The following GRAMD1B variants were observed in gnomAD, a reference collection of about 807,000 sequenced individuals.
GRAMD1B encodes the protein protein Aster-B.
Under a neutral mutation model 99.7 loss-of-function variants are expected in GRAMD1B, and 37 were observed. The ratio of observed to expected loss-of-function variants is 0.37; its 90% confidence interval spans 0.29 to 0.49. The LOEUF (loss-of-function observed/expected upper bound fraction) is 0.49. GRAMD1B is among the 20% of genes least tolerant of loss of function. The pLI, the probability that GRAMD1B is intolerant of heterozygous loss-of-function variation, is 0.98. For synonymous variants in GRAMD1B, 427 were observed against 387.6 expected, an observed-to-expected ratio of 1.10 and a Z score of -1.19; for missense variants, 888 against 1,009.2, an observed-to-expected ratio of 0.88 and a Z score of 1.63.
At chr11:123,554,768 T>C (rs1293792497) in intron 2 of GRAMD1B, among the ~76,000 whole-genome samples, 1 of 152,154 alleles carries the variant, frequency 6.6e-6, no homozygotes, top group Non-Finnish European at 1.5e-5. Context: ...CTCTGAAGAA[T>C]GGAGGTATAA....
At chr11:123,460,642 G>GT (rs1360443015) in intron 1 of GRAMD1B, among the ~76,000 whole-genome samples, 8 of 152,220 alleles carry the variant, frequency 5.3e-5, no homozygotes, top group East Asian at 1.9e-4. Flanking sequence ...CCATAAGCCA[G>GT]TTTTTCCCGG....
intron 2 of GRAMD1B, among the ~76,000 whole-genome samples, chr11:123,527,874 G>A (rs989355402): frequency 1.3e-5 from 2 of 152,150 alleles, no homozygotes; most frequent in African/African-American, 2.4e-5. Context: ...TGGTCCTCAG[G>A]GATGTGCAGA....
At chr11:123,603,379 G>A (rs775338422) in intron 8 of GRAMD1B, 47 bp from the exon 9 acceptor site, 1 of 1,171,316 alleles carries the variant, frequency 8.5e-7, no homozygotes, top group Non-Finnish European at 1.3e-6. Context: ...TGCAGAGTCG[G>A]GGGACCTGAG....
In GRAMD1B at chr11:123,513,515, T is replaced by TTTCTTTCC. The variant is rs1416992242; in HGVS notation, c.452+32625_452+32626insTTTCCTTC. 1.0e-4 allele frequency among the ~76,000 whole-genome samples: 15 copies of TTTCTTTCC among 144,954 alleles called. No individual in the cohort carries two copies. The East Asian group carries it at 1.2e-3, about 11-fold the overall frequency. Reference sequence around the variant, plus strand: ...TTCTTTCTCCCTCTCTCTTTCTTTCTTTCCTTCCTTCCTTCCTTCCTTCCT... The same window carrying TTTCTTTCC: ...TTCTTTCTCCCTCTCTCTTTCTTTCTTTCTTTCCTTCCTTCCTTCCTTCCTTCCTTCCT... On this transcript the variant is annotated intron_variant, in intron 2 of 19. Coordinates refer to ENST00000635736, the MANE Select transcript of GRAMD1B (RefSeq NM_001387025.1).
At chr11:123,609,654 G>C (rs1219662187) in intron 12 of GRAMD1B, 141 bp from the exon 13 acceptor site, 2 of 559,474 alleles carry the variant, frequency 3.6e-6, no homozygotes, top group Non-Finnish European at 6.5e-6. Flanking sequence ...CCCTCCCCCC[G>C]GCCCTCGGGC....
chr11:123,386,220 A>T (rs2135818555), intron 1 of GRAMD1B, among the ~76,000 whole-genome samples: 1 of 152,238 alleles, frequency 6.6e-6, no homozygotes, highest in East Asian at 1.9e-4. Context: ...TTTCTCTTCC[A>T]TATCTGCCTT....
chr11:123,443,887 C>T (rs1214468841), intron 1 of GRAMD1B, among the ~76,000 whole-genome samples: 1 of 152,098 alleles, frequency 6.6e-6, no homozygotes, highest in Non-Finnish European at 1.5e-5. Context: ...GGCCCAGATT[C>T]AAAGATTTTC....
At chr11:123,365,490 G>C (rs1346411229) in intron 1 of GRAMD1B, among the ~76,000 whole-genome samples, 1 of 152,160 alleles carries the variant, frequency 6.6e-6, no homozygotes, top group African/African-American at 2.4e-5. Context: ...GACCTCAGGT[G>C]ATCCACCCAC....
intron 1 of GRAMD1B, among the ~76,000 whole-genome samples, chr11:123,415,988 G>C (rs78631756): frequency 0.02 from 2,974 of 152,230 alleles, 101 homozygotes; most frequent in African/African-American, 0.066. Flanking sequence ...TTTGTCTATT[G>C]CATCAGGCTC....
intron 2 of GRAMD1B, among the ~76,000 whole-genome samples, chr11:123,533,134 T>A (rs1225399501): frequency 6.6e-6 from 1 of 152,036 alleles, no homozygotes; most frequent in Non-Finnish European, 1.5e-5. Flanking sequence ...CAGGCCTGGC[T>A]AAATTTGTAT....
At chr11:123,560,519 G>C in intron 2 of GRAMD1B, 1 of 1,268,592 alleles carries the variant, frequency 7.9e-7, no homozygotes, top group South Asian at 1.3e-5. Flanking sequence ...CTTTGGGATG[G>C]TCATGGAGGT....
intron 1 of GRAMD1B, among the ~76,000 whole-genome samples, chr11:123,475,719 C>CT (rs1395870822): frequency 6.6e-6 from 1 of 152,172 alleles, no homozygotes; most frequent in Non-Finnish European, 1.5e-5. Context: ...GTGCCCTCTG[C>CT]TGGACTTTCT....
chr11:123,473,339 C>T (rs1232505388), intron 1 of GRAMD1B, among the ~76,000 whole-genome samples: 1 of 152,208 alleles, frequency 6.6e-6, no homozygotes, highest in African/African-American at 2.4e-5. Flanking sequence ...GCTGGGATTA[C>T]AGGCGTGAGC....
intron 11 of GRAMD1B, chr11:123,607,994 T>TAAAAAA: frequency 6.5e-6 from 1 of 154,072 alleles, no homozygotes; most frequent in South Asian, 2.0e-4. Context: ...GAAGCTCCAT[T>TAAAAAA]TTTGGAGCCC....
At chr11:123,495,478 C>A (rs1591708524) in intron 2 of GRAMD1B, among the ~76,000 whole-genome samples, 1 of 151,902 alleles carries the variant, frequency 6.6e-6, no homozygotes, top group South Asian at 2.1e-4. Flanking sequence ...CTATAATCAC[C>A]CTGTTGTGCT....
At chr11:123,425,839 C>T (rs530449929), upstream of GRAMD1B, among the ~76,000 whole-genome samples, 275 of 152,312 alleles carry the variant, frequency 1.8e-3, no homozygotes, top group African/African-American at 6.0e-3. Context: ...ATCCTCTGAC[C>T]CTTCTTAAAG....
At position 123,455,646 on chromosome 11, in the gene GRAMD1B, A is replaced by G. The variant is rs868591703; in HGVS notation, c.374+24480A>G. On this transcript the variant is annotated intron_variant, in intron 1 of 19. Coordinates refer to ENST00000635736, the MANE Select transcript of GRAMD1B (RefSeq NM_001387025.1). ...CTGCCACTTACTCTCTGCCCTTAACATATTTTTTAGCTTTTTTGAGGCTAC... is the reference window on the plus strand; with the variant it reads ...CTGCCACTTACTCTCTGCCCTTAACGTATTTTTTAGCTTTTTTGAGGCTAC... 3.3e-4 allele frequency among the ~76,000 whole-genome samples: 50 copies of G among 152,058 alleles called. 1 individual carries two copies. Among genetic ancestry groups the G allele is most frequent in the African/African-American group, 1.1e-3 (47 of 41,388 alleles).
intron 1 of GRAMD1B, among the ~76,000 whole-genome samples, chr11:123,460,993 T>C (rs1950387476): frequency 6.6e-6 from 1 of 152,190 alleles, no homozygotes; most frequent in South Asian, 2.1e-4. Context: ...CCTCGTGACC[T>C]TTTGGAATTC....
intron 2 of GRAMD1B, among the ~76,000 whole-genome samples, chr11:123,512,701 A>ATT (rs1276430790): frequency 1.8e-5 from 2 of 111,752 alleles, no homozygotes; most frequent in African/African-American, 7.3e-5. Context: ...AGCATTGTGA[A>ATT]TCTTTTTTTT....
Sources: allele counts gnomAD v4.1 joint callset (sites outside exome capture counted in the v4.1 genomes callset), GRCh38; gene constraint gnomAD v4.1.1; transcripts MANE v1.5; gene names NCBI Gene and HGNC (gene_info 2026-07-23, HGNC 2026-07-21).